LMTK2: variants seen among roughly 807,000 people sequenced by gnomAD.
LMTK2 encodes serine/threonine-protein kinase LMTK2.
A neutral mutation model predicts 127.5 loss-of-function variants in LMTK2; 37 were observed. The observed-to-expected ratio is 0.29, with a 90% CI of 0.22 to 0.38. The LOEUF is 0.38. Among genes scored for constraint, LMTK2 ranks in the 10% least tolerant of loss-of-function variants. The probability of loss-of-function intolerance (pLI) is 1.00; values close to 1 mark genes in which losing one functional copy is unlikely to be tolerated. For missense variants in LMTK2, 1,694 were observed against 1,920.3 expected, an observed-to-expected ratio of 0.88 and a Z score of 2.20; for synonymous variants, 819 against 810.1, an observed-to-expected ratio of 1.01 and a Z score of -0.19.
rs142230629 is a variant in LMTK2 at position 98,171,677 on chromosome 7, G to C, written c.791+3G>C. 859 of 1,574,174 alleles carry C rather than the reference G, an allele frequency of 5.5e-4. 1 individual carries two copies. The African/African-American group carries it at 0.01, about 19-fold the overall frequency. On this transcript the variant is annotated splice_donor_region_variant and intron_variant, in intron 7 of 13. Coordinates refer to ENST00000297293, the MANE Select transcript of LMTK2 (RefSeq NM_014916.4). The surrounding 1 kb of genome is among the most constrained non-coding windows in gnomAD (Gnocchi z 5.1). ...CACAAGCTGCACTTCCTGCACAGGT[G>C]GGTACCTGCGTCAGCGGTGCACGCC... is the stretch of plus-strand genomic sequence containing the variant.
chr7:98,165,791 G>T (rs1797087892), intron 6 of LMTK2, among the ~76,000 whole-genome samples: 1 of 152,168 alleles, frequency 6.6e-6, no homozygotes, highest in Non-Finnish European at 1.5e-5. Flanking sequence ...CACCAAGATG[G>T]ATGACGTGTC....
At chr7:98,127,235 A>G (rs957086043) in intron 1 of LMTK2, among the ~76,000 whole-genome samples, 1 of 152,126 alleles carries the variant, frequency 6.6e-6, no homozygotes, top group Non-Finnish European at 1.5e-5. Flanking sequence ...TAGTGTGATG[A>G]TGATTCATTT....
chr7:98,167,175 T>G (rs938953123), intron 6 of LMTK2, among the ~76,000 whole-genome samples: 1 of 152,240 alleles, frequency 6.6e-6, no homozygotes, highest in Non-Finnish European at 1.5e-5. Context: ...CTGTAGGGCA[T>G]CATTTAGAAT....
chr7:98,153,715 A>C (rs1305290419), intron 4 of LMTK2, among the ~76,000 whole-genome samples: 2 of 152,102 alleles, frequency 1.3e-5, no homozygotes, highest in Non-Finnish European at 2.9e-5. Context: ...TCTAAAAAAA[A>C]ATTCGCTGAG....
At chr7:98,203,817 C>T in intron 12 of LMTK2, 111 bp downstream of exon 12, 4 of 1,566,564 alleles carry the variant, frequency 2.6e-6, no homozygotes, top group Non-Finnish European at 3.5e-6. Flanking sequence ...GACATGGGCA[C>T]AGAACTGCCA....
chr7:98,159,503 A>T, intron 6 of LMTK2, 78 bp downstream of exon 6: 3 of 932,158 alleles, frequency 3.2e-6, no homozygotes, highest in Middle Eastern at 2.1e-4. Flanking sequence ...GACATGCTGG[A>T]TGAGGGGTTG....
At chr7:98,203,866 G>A (rs1390157396) in intron 12 of LMTK2, 78 bp from the exon 13 acceptor site, 2 of 1,593,198 alleles carry the variant, frequency 1.3e-6, no homozygotes, top group East Asian at 2.2e-5. Context: ...CGACCTGCAG[G>A]GCGCACCTGC....
rs374784974 is a variant in LMTK2 at position 98,133,278 on chromosome 7, T to C, written c.104-4037T>C. On this transcript the variant is annotated intron_variant, in intron 1 of 13. Coordinates refer to ENST00000297293, the MANE Select transcript of LMTK2 (RefSeq NM_014916.4). Reference sequence around the variant, plus strand: ...GCTCGACGTATGCCCTTCTCAGTGCTGTAGGCTGCATGTTAAAGCTGCCTT... The same window carrying C: ...GCTCGACGTATGCCCTTCTCAGTGCCGTAGGCTGCATGTTAAAGCTGCCTT... Among the ~76,000 whole-genome samples the C allele has an allele frequency of 3.9e-5, 6 of 152,298 alleles. No individual in the cohort carries two copies. In the East Asian group the frequency reaches 9.7e-4, roughly 25 times the overall value.
intron 1 of LMTK2, among the ~76,000 whole-genome samples, chr7:98,107,624 CTT>C (rs1796132734): frequency 6.6e-6 from 1 of 152,196 alleles, no homozygotes; most frequent in African/African-American, 2.4e-5. Context: ...TCACCTGCCT[CTT>C]GTGCTTTTTT....
chr7:98,125,019 T>C (rs1397286623), intron 1 of LMTK2, among the ~76,000 whole-genome samples: 1 of 152,160 alleles, frequency 6.6e-6, no homozygotes, highest in African/African-American at 2.4e-5. Flanking sequence ...GTCTCCCCAG[T>C]CCAGGCTAGG....
At chr7:98,108,639 A>G (rs1229143154) in intron 1 of LMTK2, among the ~76,000 whole-genome samples, 1 of 152,226 alleles carries the variant, frequency 6.6e-6, no homozygotes, top group African/African-American at 2.4e-5. Flanking sequence ...AAAGAGTCAC[A>G]GGAAATGCCT....
intron 7 of LMTK2, among the ~76,000 whole-genome samples, chr7:98,182,707 A>G (rs945741715): frequency 2.0e-5 from 3 of 152,242 alleles, no homozygotes; most frequent in Non-Finnish European, 4.4e-5. Flanking sequence ...TAGAATTTCC[A>G]TGTGATGCAG....
intron 9 of LMTK2, among the ~76,000 whole-genome samples, chr7:98,189,148 G>A (rs1228733647): frequency 6.6e-6 from 1 of 152,092 alleles, no homozygotes; most frequent in South Asian, 2.1e-4. Flanking sequence ...TACTGCCTGT[G>A]AGGACCCCAG....
chr7:98,172,147 A>G (rs548572924), intron 7 of LMTK2, among the ~76,000 whole-genome samples: 29 of 152,280 alleles, frequency 1.9e-4, no homozygotes, highest in African/African-American at 6.5e-4. Context: ...GGTGGGCTTC[A>G]GGTGCCCATT....
chr7:98,191,750 C>G lies in LMTK2; in HGVS notation c.1285C>G (p.Leu429Val). 1 of 1,614,180 alleles carries G rather than the reference C, an allele frequency of 6.2e-7. No homozygotes were observed. The part of the protein sequence containing the change: ...EVDFEQQWNA[L>V]KPNTNSRDSS... ...CGACTTTGAACAGCAGTGGAACGCT[C>G]TGAAGCCGAACACAAACAGCAGAGA... Residue 429 changes from leucine to valine, a missense_variant, in exon 11 of 14, where the codon CTG becomes GTG. This residue lies in a region of LMTK2 where 216 missense variants were observed against 266.8 expected (regional missense o/e 0.81). Transcript: ENST00000297293.
At chr7:98,186,500 C>T (rs978425426) in intron 8 of LMTK2, among the ~76,000 whole-genome samples, 8 of 152,188 alleles carry the variant, frequency 5.3e-5, no homozygotes, top group African/African-American at 1.4e-4. Flanking sequence ...CTTCAAACCC[C>T]GGTCTGTCAG....
In LMTK2 at chr7:98,106,908, G is replaced by T; in HGVS notation, c.-270G>T. Reference sequence around the variant, plus strand: ...TGGCGGCGGGAGCGCGGCTTCCCAGGCCCGCCGCTCCGCAGGGCTGCTGGC... The same window carrying T: ...TGGCGGCGGGAGCGCGGCTTCCCAGTCCCGCCGCTCCGCAGGGCTGCTGGC... On this transcript the variant is annotated 5_prime_UTR_variant, in exon 1 of 14. Coordinates refer to ENST00000297293, the MANE Select transcript of LMTK2 (RefSeq NM_014916.4). 1 of 445,554 alleles carries T rather than the reference G, an allele frequency of 2.2e-6. No homozygotes were observed. The highest frequency in any genetic ancestry group is 4.0e-6 in the Non-Finnish European group (1 of 251,562). 27.6% of individuals were successfully genotyped at this position (445,554 alleles called of 1,614,324 possible).
intron 1 of LMTK2, among the ~76,000 whole-genome samples, chr7:98,115,669 C>T (rs750597735): frequency 2.0e-5 from 3 of 151,870 alleles, no homozygotes; most frequent in Non-Finnish European, 4.4e-5. Context: ...AGTGTGGTGG[C>T]GGGCACTTAT....
At chr7:98,122,620 C>T (rs1796378703) in intron 1 of LMTK2, among the ~76,000 whole-genome samples, 1 of 151,866 alleles carries the variant, frequency 6.6e-6, no homozygotes, top group East Asian at 1.9e-4. Context: ...TCTCCTGCTC[C>T]TGGACCCTTG....
Sources: allele counts gnomAD v4.1 joint callset (sites outside exome capture counted in the v4.1 genomes callset), GRCh38; gene constraint gnomAD v4.1.1; regional missense constraint gnomAD v4.1.1; non-coding constraint Gnocchi (gnomAD v3.1); transcripts MANE v1.5; gene names NCBI Gene and HGNC (gene_info 2026-07-23, HGNC 2026-07-21).